Variants in PAPOLB observed in about 807,000 individuals in gnomAD.
The protein encoded by PAPOLB is poly(A) polymerase beta, also known as PAP-beta.
A neutral mutation model predicts 23.2 loss-of-function variants in PAPOLB; 19 were observed. The ratio of observed to expected loss-of-function variants is 0.82; its 90% CI spans 0.57 to 1.20. The LOEUF (loss-of-function observed/expected upper bound fraction) is 1.20, where lower values mean the gene tolerates loss of function less well. PAPOLB is among the 50% of genes most tolerant of loss of function. The pLI is 0.00. For synonymous variants in PAPOLB, 360 were observed against 290.7 expected (o/e 1.24, Z -2.43); for missense variants, 822 against 776.8 (o/e 1.06, Z -0.69).
chr7:4,860,986 C>T lies in PAPOLB; in HGVS notation c.825G>A (p.Leu275=), dbSNP rs752787385. The change falls in exon 1 of 1, where the codon TTG becomes TTA. Residue 275 remains leucine (L), a synonymous_variant. Transcript: ENST00000404991. The stretch of plus-strand genomic sequence containing the variant: ...TTGGCCATTCCCATTCTGAAAATAC[C>T]AAGAAGAATTTCCGTACAAGAGTTG... ...VASTLVRKFF[L]VFSEWEWPNP... is the part of the protein sequence containing the mutation. The T allele has an allele frequency of 6.2e-7, 1 of 1,614,066 alleles. No individual in the cohort carries two copies. Among genetic ancestry groups the T allele is most frequent in the African/African-American group, 1.3e-5 (1 of 74,932 alleles).
rs1054717301 is a variant in PAPOLB at position 4,857,745 on chromosome 7, C to A, written c.*2152G>T. 2 of 152,470 alleles carry A rather than the reference C, an allele frequency of 1.3e-5. No individual in the cohort carries two copies. The highest frequency in any genetic ancestry group is 4.8e-5 in the African/African-American group (2 of 41,392). 9.4% of individuals were successfully genotyped at this position (152,470 alleles called of 1,614,324 possible). Reference sequence around the variant, plus strand: ...ATTTTAGTTTCACTTTGCTTGTTTGCCATTTATTTTTATTGCATTTTTAAT... The same window carrying A: ...ATTTTAGTTTCACTTTGCTTGTTTGACATTTATTTTTATTGCATTTTTAAT... On this transcript the variant is annotated 3_prime_UTR_variant, in exon 1 of 1. Transcript: ENST00000404991.
rs374812651 is a variant in PAPOLB at position 4,861,474 on chromosome 7, C to T, written c.337G>A (p.Ala113Thr). 9.8e-5 allele frequency: 158 copies of T among 1,613,942 alleles called. 1 individual carries two copies. The highest frequency in any genetic ancestry group is 1.1e-4 in the Non-Finnish European group (134 of 1,179,924). Residue 113 changes from alanine to threonine, a missense_variant, in exon 1 of 1, where the codon GCA (alanine) becomes ACA (threonine). Physicochemically the swap from Ala to Thr is moderately conservative, Grantham distance 58 (BLOSUM62 0). Coordinates refer to ENST00000404991, the MANE Select transcript of PAPOLB (RefSeq NM_020144.5). ...SYRLGVHTKG[A>T]DIDALCVAPS... ...GCAACGCACAAGGCGTCAATATCTGCGCCTTTCGTATGTACTCCTAATCTG... is the reference window on the plus strand; with the variant it reads ...GCAACGCACAAGGCGTCAATATCTGTGCCTTTCGTATGTACTCCTAATCTG...
Position 4,859,921 on chromosome 7 carries a change from C to T in PAPOLB, c.1890G>A (p.Gln630=), listed in dbSNP as rs1783933251. 7 of 1,612,012 alleles carry T rather than the reference C, an allele frequency of 4.3e-6. No homozygotes were observed. The highest frequency in any genetic ancestry group is 2.5e-6 in the Non-Finnish European group (3 of 1,178,386). The part of the protein sequence containing the change: ...LISHPDLQET[Q]QQTYLIL The stretch of plus-strand genomic sequence containing the variant: ...ACTATAGGATTAGATATGTTTGTTG[C>T]TGAGTTTCCTGAAGGTCTGGATGGC... Residue 630 remains glutamine, a synonymous_variant, in exon 1 of 1, where the codon CAG becomes CAA. Coordinates refer to ENST00000404991, the MANE Select transcript of PAPOLB (RefSeq NM_020144.5).
chr7:4,861,834 G>GCACGTCCCCCAACACCGCGACCTT lies in PAPOLB; in HGVS notation c.-25_-24insAAGGTCGCGGTGTTGGGGGACGTG. Reference sequence around the variant, plus strand: ...ATCTTTCAGCGCCCGCCCCGCCAGGGCACGTCCCCCACCACCGCGACCTTC... The same window carrying GCACGTCCCCCAACACCGCGACCTT: ...ATCTTTCAGCGCCCGCCCCGCCAGGGCACGTCCCCCAACACCGCGACCTTCACGTCCCCCACCACCGCGACCTTC... On this transcript the variant is annotated 5_prime_UTR_variant, in exon 1 of 1. Coordinates refer to ENST00000404991, the MANE Select transcript of PAPOLB (RefSeq NM_020144.5). 7.9e-7 allele frequency: 1 copy of GCACGTCCCCCAACACCGCGACCTT among 1,268,420 alleles called. No individual in the cohort carries two copies. Among genetic ancestry groups the GCACGTCCCCCAACACCGCGACCTT allele is most frequent in the Non-Finnish European group, 1.0e-6 (1 of 972,360 alleles). The allele number at this position is 1,268,420 out of a possible 1,614,324, so 78.6% of individuals were successfully genotyped here. A position where few individuals can be genotyped will look rare whatever the true frequency, so the allele number is the denominator to read the frequency against.
In PAPOLB at chr7:4,859,861, C is replaced by T. The variant is rs1783930816; in HGVS notation, c.*36G>A. The T allele has an allele frequency of 7.0e-7, 1 of 1,430,000 alleles. No individual in the cohort carries two copies. The allele number at this position is 1,430,000 out of a possible 1,614,324, so 88.6% of individuals were successfully genotyped here. A position where few individuals can be genotyped will look rare whatever the true frequency, so the allele number is the denominator to read the frequency against. On this transcript the variant is annotated 3_prime_UTR_variant, in exon 1 of 1. Transcript: ENST00000404991. ...TCCGTTTTGGTTTTCTTGGTCCTTT[C>T]TTCTTTATGAGGCAAGAATATCCTC... is the stretch of plus-strand genomic sequence containing the variant.
rs746913953 is a variant in PAPOLB at position 4,860,665 on chromosome 7, T to G, written c.1146A>C (p.Ala382=). 11 of 1,614,128 alleles carry G rather than the reference T, an allele frequency of 6.8e-6. No individual in the cohort carries two copies. In the South Asian group the frequency reaches 1.2e-4, roughly 18 times the overall value. Reference sequence around the variant, plus strand: ...ATTCTAAATGTTGTTTTTCTGTTGATGCACTTGCCAGAAGTACAATATAAT... The same window carrying G: ...ATTCTAAATGTTGTTTTTCTGTTGAGGCACTTGCCAGAAGTACAATATAAT... ...YKHYIVLLAS[A]STEKQHLEWV... Residue 382 remains alanine, a synonymous_variant, in exon 1 of 1, where the codon GCA becomes GCC. Transcript: ENST00000404991.
chr7:4,860,854 T>G lies in PAPOLB; in HGVS notation c.957A>C (p.Pro319=). The change falls in exon 1 of 1, where the codon CCA becomes CCC. Residue 319 remains proline, a synonymous_variant. Transcript: ENST00000404991. ...ATGTGGAGTTCTGCTGTGGGTATGC[T>G]GGTGTGATGATAGGCATAAGATGGT... ...DRYHLMPIIT[P]AYPQQNSTYN... is the part of the protein sequence containing the mutation. 6.2e-7 allele frequency: 1 copy of G among 1,614,136 alleles called. No individual in the cohort carries two copies. The highest frequency in any genetic ancestry group is 8.5e-7 in the Non-Finnish European group (1 of 1,179,984).
rs1371929258 is a variant in PAPOLB, at chr7:4,860,470, T to C, written c.1341A>G (p.Pro447=). The stretch of plus-strand genomic sequence containing the variant: ...CAATGCTGAGAATTTCAGAATTATC[T>C]GGCTTTTTTAGCCCTAACCCAATCA... ...MWVIGLGLKK[P]DNSEILSIDL... The change falls in exon 1 of 1, where the codon CCA becomes CCG. Residue 447 remains proline, a synonymous_variant. Transcript: ENST00000404991. The C allele has an allele frequency of 1.2e-6, 2 of 1,614,186 alleles. No homozygotes were observed. Among genetic ancestry groups the C allele is most frequent in the East Asian group, 4.5e-5 (2 of 44,888 alleles).
Position 4,861,778 on chromosome 7 carries a change from T to C in PAPOLB, c.33A>G (p.Pro11=). The change falls in exon 1 of 1, where the codon CCA becomes CCG. Residue 11 remains proline (P), a synonymous_variant. Coordinates refer to ENST00000404991, the MANE Select transcript of PAPOLB (RefSeq NM_020144.5). The part of the protein sequence containing the change: MMPFPVTTQG[P]PQPAPPPNRY... ...GATTCGGCGGCGGCGCCGGCTGCGGTGGTCCCTGGGTTGTCACCGGAAACG... is the reference window on the plus strand; with the variant it reads ...GATTCGGCGGCGGCGCCGGCTGCGGCGGTCCCTGGGTTGTCACCGGAAACG... 6.7e-7 allele frequency: 1 copy of C among 1,487,118 alleles called. No homozygotes were observed. Among genetic ancestry groups the C allele is most frequent in the South Asian group, 1.4e-5 (1 of 69,574 alleles). The allele number at this position is 1,487,118 out of a possible 1,614,324, so 92.1% of individuals were successfully genotyped here.
In PAPOLB at chr7:4,858,881, AAAGAG is replaced by A. The variant is rs1783901388; in HGVS notation, c.*1011_*1015del. On this transcript the variant is annotated 3_prime_UTR_variant, in exon 1 of 1. Transcript: ENST00000404991. ...ATAAGCATACTGTGTGCATACAGGC[AAAGAG>A]AAGAGAGGGAGGCAAAAAGCTTTTT... 1 of 152,232 alleles carries A rather than the reference AAAGAG, an allele frequency of 6.6e-6. No individual in the cohort carries two copies. Among genetic ancestry groups the A allele is most frequent in the African/African-American group, 2.4e-5 (1 of 41,458 alleles). The allele number at this position is 152,232 out of a possible 1,614,324, so 9.4% of individuals were successfully genotyped here.
rs1307851479 is a variant in PAPOLB, at chr7:4,858,176, A to G, written c.*1721T>C. ...GGTGAAAGAAAAGTCTCTACAGCAT[A>G]AAAGGACATGACTATATTCCAACTT... On this transcript the variant is annotated 3_prime_UTR_variant, in exon 1 of 1. Coordinates refer to ENST00000404991, the MANE Select transcript of PAPOLB (RefSeq NM_020144.5). The G allele has an allele frequency of 6.6e-6, 1 of 152,264 alleles. No individual in the cohort carries two copies. Among genetic ancestry groups the G allele is most frequent in the Non-Finnish European group, 1.5e-5 (1 of 68,024 alleles). The allele number at this position is 152,264 out of a possible 1,614,324, so 9.4% of individuals were successfully genotyped here.
Position 4,861,660 on chromosome 7 carries a change from C to T in PAPOLB, c.151G>A (p.Gly51Arg), listed in dbSNP as rs374695759. ...AGTTCCTCTTCCTCTTCGAAGACCCCGAAGGGCCTGAGGGTTTCTATTAGC... is the reference window on the plus strand; with the variant it reads ...AGTTCCTCTTCCTCTTCGAAGACCCTGAAGGGCCTGAGGGTTTCTATTAGC... ...QRLIETLRPF[G>R]VFEEEEELQR... The change falls in exon 1 of 1, where the codon GGG becomes AGG. Residue 51 changes from glycine (G) to arginine (R), a missense_variant. Around this residue, in one of 3 missense-constraint regions of PAPOLB, gnomAD observed 276 missense variants for 243.9 expected, o/e 1.13. Coordinates refer to ENST00000404991, the MANE Select transcript of PAPOLB (RefSeq NM_020144.5). 2.5e-6 allele frequency: 4 copies of T among 1,604,714 alleles called. No homozygotes were observed. The highest frequency in any genetic ancestry group is 2.7e-5 in the African/African-American group (2 of 74,466).
In PAPOLB at chr7:4,858,323, G is replaced by C. The variant is rs1783885794; in HGVS notation, c.*1574C>G. On this transcript the variant is annotated 3_prime_UTR_variant, in exon 1 of 1. Coordinates refer to ENST00000404991, the MANE Select transcript of PAPOLB (RefSeq NM_020144.5). Reference sequence around the variant, plus strand: ...GCTAATTGGAAAGCCTGTTAAGTTTGCTGTCTAGATTAAGAAAGACTCAAC... The same window carrying C: ...GCTAATTGGAAAGCCTGTTAAGTTTCCTGTCTAGATTAAGAAAGACTCAAC... 1 of 152,170 alleles carries C rather than the reference G, an allele frequency of 6.6e-6. No individual in the cohort carries two copies. Among genetic ancestry groups the C allele is most frequent in the Non-Finnish European group, 1.5e-5 (1 of 68,004 alleles). The allele number at this position is 152,170 out of a possible 1,614,324, so 9.4% of individuals were successfully genotyped here.
Position 4,861,752 on chromosome 7 carries a change from C to T in PAPOLB, c.59G>A (p.Arg20His), listed in dbSNP as rs747508168. The change falls in exon 1 of 1, where the codon CGC becomes CAC. Residue 20 changes from arginine to histidine, a missense_variant. Arg to His is a conservative substitution (Grantham distance 29, BLOSUM62 0). Around this residue, in one of 3 missense-constraint regions of PAPOLB, gnomAD observed 276 missense variants for 243.9 expected, o/e 1.13. Coordinates refer to ENST00000404991, the MANE Select transcript of PAPOLB (RefSeq NM_020144.5). ...ACTGATAGGCGAGGAGACGCCGTAG[C>T]GATTCGGCGGCGGCGCCGGCTGCGG... ...GPPQPAPPPN[R>H]YGVSSPISLA... 2.7e-6 allele frequency: 4 copies of T among 1,502,442 alleles called. No homozygotes were observed. Among genetic ancestry groups the T allele is most frequent in the Non-Finnish European group, 3.5e-6 (4 of 1,127,932 alleles). 93.1% of individuals were successfully genotyped at this position (1,502,442 alleles called of 1,614,324 possible). A position where few individuals can be genotyped will look rare whatever the true frequency, so the allele number is the denominator to read the frequency against.
In PAPOLB at chr7:4,861,282, G is replaced by A. The variant is rs1232353624; in HGVS notation, c.529C>T (p.Gln177Ter). 1 of 1,614,128 alleles carries A rather than the reference G, an allele frequency of 6.2e-7. No homozygotes were observed. Among genetic ancestry groups the A allele is most frequent in the Non-Finnish European group, 8.5e-7 (1 of 1,179,946 alleles). The change falls in exon 1 of 1, where the codon CAG becomes TAG. Residue 177 changes from glutamine to a stop codon, truncating the protein, a stop_gained. Transcript: ENST00000404991. LOFTEE classifies it high-confidence loss of function. ...IDILFARLAL[Q>*]TIPEDLDLRD... Reference sequence around the variant, plus strand: ...AAGTCCAAATCTTCTGGAATAGTCTGTAGTGCTAATCTTGCAAATAAAATA... The same window carrying A: ...AAGTCCAAATCTTCTGGAATAGTCTATAGTGCTAATCTTGCAAATAAAATA...
chr7:4,861,705 C>A lies in PAPOLB; in HGVS notation c.106G>T (p.Asp36Tyr). The A allele has an allele frequency of 6.4e-7, 1 of 1,574,084 alleles. No individual in the cohort carries two copies. The highest frequency in any genetic ancestry group is 8.6e-7 in the Non-Finnish European group (1 of 1,162,620). The change falls in exon 1 of 1, where the codon GAC (aspartate) becomes TAC (tyrosine). Residue 36 changes from aspartate to tyrosine, a missense_variant. By Grantham distance (160) the Asp-to-Tyr change is radical (BLOSUM62 -3). Around this residue, in one of 3 missense-constraint regions of PAPOLB, gnomAD observed 276 missense variants for 243.9 expected, o/e 1.13. Transcript: ENST00000404991. ...ATTAGCCTCTGGGTGAGGAGGCAGTCCGTCTCCTTGGGGACCGCTAGACTG... is the reference window on the plus strand; with the variant it reads ...ATTAGCCTCTGGGTGAGGAGGCAGTACGTCTCCTTGGGGACCGCTAGACTG... Reference protein sequence around the residue: ...PISLAVPKETDCLLTQRLIET... With the variant: ...PISLAVPKETYCLLTQRLIET...
chr7:4,859,096 C>T lies in PAPOLB; in HGVS notation c.*801G>A, dbSNP rs561513869. ...TGTCAAAAACATACCTTAAAGTTGA[C>T]ATTTCATTTTAAAGGGTTACAGCTA... On this transcript the variant is annotated 3_prime_UTR_variant, in exon 1 of 1. Coordinates refer to ENST00000404991, the MANE Select transcript of PAPOLB (RefSeq NM_020144.5). 1 of 152,288 alleles carries T rather than the reference C, an allele frequency of 6.6e-6. No individual in the cohort carries two copies. The highest frequency in any genetic ancestry group is 2.1e-4 in the South Asian group (1 of 4,822). 9.4% of individuals were successfully genotyped at this position (152,288 alleles called of 1,614,324 possible).
chr7:4,860,041 T>G lies in PAPOLB; in HGVS notation c.1770A>C (p.Leu590Phe), dbSNP rs767038059. Residue 590 changes from leucine to phenylalanine, a missense_variant, in exon 1 of 1, where the codon TTA becomes TTC. Coordinates refer to ENST00000404991, the MANE Select transcript of PAPOLB (RefSeq NM_020144.5). ...AGACAGCGTGAGGAATACTTTCGTT[T>G]AATGCAACCCCTGAACTTTCATTGG... The part of the protein sequence containing the change: ...VNTNESSGVA[L>F]NESIPHAVSQ... The G allele has an allele frequency of 1.6e-5, 26 of 1,613,920 alleles. No homozygotes were observed. Among genetic ancestry groups the G allele is most frequent in the Non-Finnish European group, 2.2e-5 (26 of 1,179,894 alleles).
chr7:4,861,893 G>A lies in PAPOLB; in HGVS notation c.-83C>T. 1.0e-6 allele frequency: 1 copy of A among 986,002 alleles called. No homozygotes were observed. The highest frequency in any genetic ancestry group is 1.4e-6 in the Non-Finnish European group (1 of 709,406). The allele number at this position is 986,002 out of a possible 1,614,324, so 61.1% of individuals were successfully genotyped here. On this transcript the variant is annotated 5_prime_UTR_variant, in exon 1 of 1. Transcript: ENST00000404991. ...CGCCCGGGTCATGATCCGCTGAGGCGGAAGGGCAGGGCTTCTAGCTGCCCT... is the reference window on the plus strand; with the variant it reads ...CGCCCGGGTCATGATCCGCTGAGGCAGAAGGGCAGGGCTTCTAGCTGCCCT...
Sources: gnomAD v4.1 joint callset for allele counts on GRCh38, gnomAD v4.1.1 for gene constraint, gnomAD v4.1.1 regional missense constraint, MANE v1.5 for transcripts, NCBI Gene and HGNC (gene_info 2026-07-23, HGNC 2026-07-21) for gene names.